Variants in FOXK2 observed in about 807,000 individuals in gnomAD.
FOXK2 encodes the protein forkhead box protein K2.
In FOXK2, 24 loss-of-function variants were observed where a neutral mutation model predicts 53.3. The ratio of observed to expected loss-of-function variants is 0.45; its 90% CI spans 0.33 to 0.63. The LOEUF (loss-of-function observed/expected upper bound fraction) is 0.63, where lower values mean the gene tolerates loss of function less well. Among genes scored for constraint, FOXK2 ranks in the 30% least tolerant of loss-of-function variants. FOXK2 has a pLI of 0.03. For missense variants in FOXK2, 952 were observed against 910.5 expected, an observed-to-expected ratio of 1.05 and a Z score of -0.59; for synonymous variants, 505 against 407.1, an observed-to-expected ratio of 1.24 and a Z score of -2.89.
intron 2 of FOXK2, among the ~76,000 whole-genome samples, chr17:82,565,498 C>T (rs749393168): frequency 9.9e-5 from 15 of 152,070 alleles, no homozygotes; most frequent in Non-Finnish European, 1.9e-4. Context: ...AGTTCAAAAA[C>T]GTGAAAGACA....
At position 82,582,894 on chromosome 17, in the gene FOXK2, G is replaced by A. The variant is rs144516241; in HGVS notation, c.1063G>A (p.Val355Met). Reference sequence around the variant, plus strand: ...TTTTAGGAAACGACGGCCTAGGGGCGTGCCCTGCTTTAGAACCCCTCTGGG... The same window carrying A: ...TTTTAGGAAACGACGGCCTAGGGGCATGCCCTGCTTTAGAACCCCTCTGGG... Reference protein sequence around the residue: ...QAFRKRRPRGVPCFRTPLGPL... With the variant: ...QAFRKRRPRGMPCFRTPLGPL... Residue 355 changes from valine (V) to methionine (M), a missense_variant, in exon 5 of 9, where the codon GTG becomes ATG. By Grantham distance (21) the Val-to-Met change is conservative. Around this residue, in one of 5 missense-constraint regions of FOXK2, gnomAD observed 160 missense variants for 214.2 expected, o/e 0.75. Coordinates refer to ENST00000335255, the MANE Select transcript of FOXK2 (RefSeq NM_004514.4). 193 of 1,609,178 alleles carry A rather than the reference G, an allele frequency of 1.2e-4. 1 individual carries two copies. In the Middle Eastern group the frequency reaches 1.9e-3, roughly 16 times the overall value.
At chr17:82,586,965 G>A in intron 7 of FOXK2, 98 bp from the exon 8 acceptor site, 1 of 1,051,426 alleles carries the variant, frequency 9.5e-7, no homozygotes, top group East Asian at 2.4e-5. Flanking sequence ...ACATTTTCTA[G>A]CAGGTGTGAT....
At chr17:82,527,051 C>T (rs1467271699) in intron 1 of FOXK2, among the ~76,000 whole-genome samples, 5 of 152,082 alleles carry the variant, frequency 3.3e-5, no homozygotes, top group African/African-American at 4.8e-5. Flanking sequence ...CTTCGTTTTG[C>T]GACCTGAAAC....
intron 1 of FOXK2, among the ~76,000 whole-genome samples, chr17:82,546,864 G>A (rs1340524272): frequency 2.6e-5 from 4 of 152,012 alleles, no homozygotes; most frequent in African/African-American, 9.7e-5. Flanking sequence ...ATCACCTGAG[G>A]TCAGGGGATT....
chr17:82,588,690 G>A (rs1456541375), intron 8 of FOXK2, among the ~76,000 whole-genome samples: 1 of 152,052 alleles, frequency 6.6e-6, no homozygotes, highest in Non-Finnish European at 1.5e-5. Flanking sequence ...AACAGTCCAG[G>A]TCTGCCAAGA....
chr17:82,596,196 GT>G (rs1191668089), intron 8 of FOXK2: 59 of 992,858 alleles, frequency 5.9e-5, no homozygotes, highest in Non-Finnish European at 7.0e-5. Flanking sequence ...CTGCAGGTCA[GT>G]TCCTGCTTCG....
chr17:82,537,890 C>T (rs1029067100), intron 1 of FOXK2, among the ~76,000 whole-genome samples: 3 of 150,010 alleles, frequency 2.0e-5, no homozygotes, highest in African/African-American at 7.4e-5. Context: ...CCACTGCACT[C>T]CAGCCTGGCA....
rs2045402302 is a variant in FOXK2 at position 82,602,883 on chromosome 17, A to G, written c.*1384A>G. On this transcript the variant is annotated 3_prime_UTR_variant, in exon 9 of 9. Coordinates refer to ENST00000335255, the MANE Select transcript of FOXK2 (RefSeq NM_004514.4). ...AGCTTTTAAATGTCATCATCATAAC[A>G]TTATTTATTTAAATGTAGTTATTTT... The G allele has an allele frequency of 6.6e-6, 1 of 152,402 alleles. No individual in the cohort carries two copies. The highest frequency in any genetic ancestry group is 1.5e-5 in the Non-Finnish European group (1 of 68,028). The allele number at this position is 152,402 out of a possible 1,614,324, so 9.4% of individuals were successfully genotyped here.
In FOXK2 at chr17:82,522,535, A is replaced by AT. The variant is rs71369020; in HGVS notation, c.419+2237dup. On this transcript the variant is annotated intron_variant, in intron 1 of 8. Coordinates refer to ENST00000335255, the MANE Select transcript of FOXK2 (RefSeq NM_004514.4). ...AGGCACCCGCCACTACGCCCAGCTA[A>AT]TTTTTTTTTGTATTTTTAGTAGAGA... Among the ~76,000 whole-genome samples, 47 of 149,340 alleles carry AT rather than the reference A, an allele frequency of 3.1e-4. No individual in the cohort carries two copies. In the East Asian group the frequency reaches 3.8e-3, roughly 12 times the overall value.
chr17:82,527,469 A>G lies in FOXK2; in HGVS notation c.419+7162A>G, dbSNP rs554076693. Among the ~76,000 whole-genome samples the G allele has an allele frequency of 2.6e-5, 4 of 152,130 alleles. No homozygotes were observed. In the South Asian group the frequency reaches 8.3e-4, roughly 32 times the overall value. ...CATGGCGAAACTCCGACTCTACTAA[A>G]AATACAAAAATTAACTGGGCATGGT... On this transcript the variant is annotated intron_variant, in intron 1 of 8. Coordinates refer to ENST00000335255, the MANE Select transcript of FOXK2 (RefSeq NM_004514.4).
At chr17:82,521,866 G>A (rs943300576) in intron 1 of FOXK2, among the ~76,000 whole-genome samples, 31 of 151,650 alleles carry the variant, frequency 2.0e-4, no homozygotes, top group Admixed American at 1.4e-3. Flanking sequence ...GAACCCTGGA[G>A]GTGGAGCTTG....
intron 7 of FOXK2, among the ~76,000 whole-genome samples, chr17:82,586,733 C>G (rs1484239838): frequency 2.0e-5 from 3 of 152,058 alleles, no homozygotes; most frequent in Non-Finnish European, 2.9e-5. Flanking sequence ...GAAACCCTGT[C>G]TCTACTAAAA....
chr17:82,556,737 C>G (rs1372838207), intron 1 of FOXK2, among the ~76,000 whole-genome samples: 1 of 151,946 alleles, frequency 6.6e-6, no homozygotes, highest in East Asian at 1.9e-4. Flanking sequence ...GTCTTTGTCA[C>G]CCAGGCTAGA....
chr17:82,520,760 C>T (rs566452996), intron 1 of FOXK2, among the ~76,000 whole-genome samples: 12 of 152,276 alleles, frequency 7.9e-5, no homozygotes, highest in Admixed American at 7.2e-4. Context: ...TGTTGTTGTT[C>T]AGTCGTTTTC....
intron 1 of FOXK2, among the ~76,000 whole-genome samples, chr17:82,542,090 A>G (rs942257366): frequency 1.3e-5 from 2 of 151,374 alleles, no homozygotes; most frequent in African/African-American, 4.9e-5. Context: ...CACGTTGGCC[A>G]GTGTGGTCTT....
chr17:82,590,806 G>T (rs182096114), intron 8 of FOXK2, among the ~76,000 whole-genome samples: 2 of 152,334 alleles, frequency 1.3e-5, no homozygotes, highest in African/African-American at 4.8e-5. Context: ...GGATGTGGCC[G>T]AGTTTTCTGA....
At chr17:82,589,287 T>C (rs983820560) in intron 8 of FOXK2, among the ~76,000 whole-genome samples, 5 of 152,242 alleles carry the variant, frequency 3.3e-5, no homozygotes, top group Non-Finnish European at 7.3e-5. Context: ...GATCCTCCCT[T>C]GTCTGTGGCC....
intron 4 of FOXK2, among the ~76,000 whole-genome samples, chr17:82,580,343 C>G (rs2045045664): frequency 1.2e-5 from 1 of 83,318 alleles, no homozygotes; most frequent in Non-Finnish European, 2.4e-5. Context: ...CCAGATCCCT[C>G]CCACACATGG....
At chr17:82,570,132 G>T (rs1042805976) in intron 3 of FOXK2, among the ~76,000 whole-genome samples, 1 of 152,072 alleles carries the variant, frequency 6.6e-6, no homozygotes, top group Admixed American at 6.6e-5. Context: ...TGAGGCAGGA[G>T]AATGGCGTGA....
Sources: allele counts gnomAD v4.1 joint callset (sites outside exome capture counted in the v4.1 genomes callset), GRCh38; gene constraint gnomAD v4.1.1; regional missense constraint gnomAD v4.1.1; transcripts MANE v1.5; gene names NCBI Gene and HGNC (gene_info 2026-07-23, HGNC 2026-07-21).